SAE1: variants seen among roughly 807,000 people sequenced by gnomAD.
SAE1 encodes SUMO1 activating enzyme subunit 1.
In SAE1, 11 loss-of-function variants were observed where a neutral mutation model predicts 40.6. The ratio of observed to expected loss-of-function variants is 0.27; its 90% CI spans 0.17 to 0.45. SAE1 has a LOEUF of 0.45. Ranked by LOEUF, SAE1 falls within the 20% of genes least tolerant of loss-of-function variation. SAE1 has a pLI of 1.00. For synonymous variants in SAE1, 155 were observed against 154.3 expected (o/e 1.00, Z -0.03); for missense variants, 373 against 427.3 (o/e 0.87, Z 1.12).
intron 1 of SAE1, among the ~76,000 whole-genome samples, chr19:47,133,647 CAAGAG>C (rs1165259604): frequency 6.6e-6 from 1 of 152,106 alleles, no homozygotes; most frequent in East Asian, 1.9e-4. Flanking sequence ...GCTTGAAACT[CAAGAG>C]AAGGGGTCAA....
intron 1 of SAE1, among the ~76,000 whole-genome samples, chr19:47,133,890 TCTCA>T (rs1434587928): frequency 2.7e-5 from 4 of 148,712 alleles, no homozygotes; most frequent in South Asian, 4.2e-4. Context: ...TGAGACGGAG[TCTCA>T]CTCTGTCGCC....
intron 6 of SAE1, among the ~76,000 whole-genome samples, chr19:47,195,982 C>G (rs1417801568): frequency 5.3e-5 from 8 of 151,122 alleles, no homozygotes; most frequent in African/African-American, 1.9e-4. Context: ...GATCCTCACG[C>G]CTTGGCCCCC....
intron 1 of SAE1, among the ~76,000 whole-genome samples, chr19:47,140,366 A>C (rs2058213528): frequency 6.6e-6 from 1 of 151,838 alleles, no homozygotes; most frequent in South Asian, 2.1e-4. Flanking sequence ...TCGGCCTCCC[A>C]AAGTGCTGGG....
rs564733013 is a variant in SAE1 at position 47,140,007 on chromosome 19, G to A, written c.99-3487G>A. Among the ~76,000 whole-genome samples the A allele has an allele frequency of 1.3e-4, 19 of 146,598 alleles. No homozygotes were observed. The East Asian group carries it at 2.6e-3, about 20-fold the overall frequency. ...GGCTGAAGTGCAATGGTGCGGTCTC[G>A]GCTCACTGCAACCTCCGCCTCCCGG... On this transcript the variant is annotated intron_variant, in intron 1 of 8. Coordinates refer to ENST00000270225, the MANE Select transcript of SAE1 (RefSeq NM_005500.3).
intron 6 of SAE1, among the ~76,000 whole-genome samples, chr19:47,186,751 G>T (rs1363417203): frequency 6.6e-6 from 1 of 152,172 alleles, no homozygotes; most frequent in African/African-American, 2.4e-5. Flanking sequence ...GCCTGGTGAG[G>T]TCATAGACTG....
chr19:47,202,298 A>C (rs908838707), intron 7 of SAE1, among the ~76,000 whole-genome samples: 3 of 151,740 alleles, frequency 2.0e-5, no homozygotes, highest in South Asian at 4.2e-4. Context: ...TTATTTATTT[A>C]TTTATTTTTT....
chr19:47,159,565 T>C (rs978234689), intron 5 of SAE1, among the ~76,000 whole-genome samples: 3 of 151,622 alleles, frequency 2.0e-5, no homozygotes, highest in African/African-American at 4.9e-5. Flanking sequence ...TTTTTTTTTT[T>C]CTTTGAAGCA....
chr19:47,132,278 T>C (rs977076976), intron 1 of SAE1, among the ~76,000 whole-genome samples: 16 of 151,472 alleles, frequency 1.1e-4, no homozygotes, highest in South Asian at 2.1e-4. Context: ...TTTTTTTTTT[T>C]CTTTCTCTGT....
At chr19:47,157,288 T>C (rs905149888) in intron 5 of SAE1, among the ~76,000 whole-genome samples, 1 of 152,212 alleles carries the variant, frequency 6.6e-6, no homozygotes, top group Non-Finnish European at 1.5e-5. Flanking sequence ...GGTGCCTTTC[T>C]TTCTTTTTGA....
intron 8 of SAE1, 82 bp downstream of exon 8, chr19:47,203,822 C>A: frequency 8.2e-7 from 1 of 1,214,506 alleles, no homozygotes; most frequent in Non-Finnish European, 1.2e-6. Context: ...CTGTCTTAGA[C>A]AGCTGCCTGC....
intron 1 of SAE1, among the ~76,000 whole-genome samples, chr19:47,140,230 C>A (rs2058212163): frequency 6.6e-6 from 1 of 151,904 alleles, no homozygotes; most frequent in South Asian, 2.1e-4. Context: ...CCTTAGCCTC[C>A]CGAGTAGCTG....
rs781359109 is a variant in SAE1, at chr19:47,209,206, T to C, written c.996T>C (p.Asp332=). ...CTCACAACAACTTCTTCTTCTTCGA[T>C]GGCATGAAGGGGAATGGGATTGTGG... ...DPPHNNFFFF[D]GMKGNGIVEC... The change falls in exon 9 of 9, where the codon GAT becomes GAC. Residue 332 remains aspartate (D), a synonymous_variant. Coordinates refer to ENST00000270225, the MANE Select transcript of SAE1 (RefSeq NM_005500.3). The C allele has an allele frequency of 1.9e-6, 3 of 1,614,066 alleles. No individual in the cohort carries two copies. The highest frequency in any genetic ancestry group is 2.7e-5 in the African/African-American group (2 of 74,996).
At chr19:47,168,031 A>G (rs1296381922) in intron 5 of SAE1, among the ~76,000 whole-genome samples, 1 of 152,038 alleles carries the variant, frequency 6.6e-6, no homozygotes, top group Non-Finnish European at 1.5e-5. Flanking sequence ...TGTCTCTACT[A>G]AAAATACAAA....
chr19:47,170,035 A>G, intron 6 of SAE1, 112 bp downstream of exon 6: 1 of 763,798 alleles, frequency 1.3e-6, no homozygotes, highest in Non-Finnish European at 2.3e-6. Context: ...GGCATTCTTC[A>G]TTGGCTAGTT....
intron 5 of SAE1, among the ~76,000 whole-genome samples, chr19:47,167,556 A>T (rs771903878): frequency 1.3e-5 from 2 of 152,082 alleles, no homozygotes; most frequent in African/African-American, 4.8e-5. Flanking sequence ...TTGAACTTTT[A>T]TCTGTCAAAT....
chr19:47,170,437 C>G lies in SAE1; in HGVS notation c.733+514C>G, dbSNP rs576733017. On this transcript the variant is annotated intron_variant, in intron 6 of 8. Coordinates refer to ENST00000270225, the MANE Select transcript of SAE1 (RefSeq NM_005500.3). ...ACCATGATGCCCAGGCCCTGAAGTT[C>G]TGAGATTATAGGCATGAGCCACCAT... Among the ~76,000 whole-genome samples the G allele has an allele frequency of 4.1e-4, 61 of 147,826 alleles. 1 individual carries two copies. The highest frequency in any genetic ancestry group is 1.4e-3 in the African/African-American group (55 of 40,146).
intron 2 of SAE1, among the ~76,000 whole-genome samples, chr19:47,144,704 C>T (rs2058244279): frequency 6.6e-6 from 1 of 152,152 alleles, no homozygotes; most frequent in East Asian, 1.9e-4. Flanking sequence ...GTTTCAACAA[C>T]AACAACAACA....
intron 6 of SAE1, among the ~76,000 whole-genome samples, chr19:47,171,002 GTC>G (rs2058427699): frequency 6.6e-6 from 1 of 151,998 alleles, no homozygotes. Context: ...TTGAGATGGA[GTC>G]TCGCTCTGTC....
At chr19:47,175,809 G>A (rs2058465468) in intron 6 of SAE1, among the ~76,000 whole-genome samples, 1 of 152,164 alleles carries the variant, frequency 6.6e-6, no homozygotes, top group Non-Finnish European at 1.5e-5. Context: ...CTGTGAGTTA[G>A]GGAAACAGGA....
Sources: allele counts gnomAD v4.1 joint callset (sites outside exome capture counted in the v4.1 genomes callset), GRCh38; gene constraint gnomAD v4.1.1; transcripts MANE v1.5; gene names NCBI Gene and HGNC (gene_info 2026-07-23, HGNC 2026-07-21).